The following PFKFB2 variants were observed in gnomAD, a reference collection of about 807,000 sequenced individuals.
PFKFB2 encodes 6-phosphofructo-2-kinase/fructose-2,6-biphosphatase 2.
A neutral mutation model predicts 68.0 loss-of-function variants in PFKFB2; 53 were observed. The observed-to-expected ratio is 0.78, with a 90% confidence interval of 0.63 to 0.98. PFKFB2 has a LOEUF of 0.98. Ranked by LOEUF, PFKFB2 falls within the 50% of genes least tolerant of loss-of-function variation. The pLI is 0.00. For missense variants in PFKFB2, 451 were observed against 642.0 expected, an observed-to-expected ratio of 0.70 and a Z score of 3.22; for synonymous variants, 222 against 227.6, an observed-to-expected ratio of 0.98 and a Z score of 0.22.
At chr1:207,046,976 A>G (rs1682614723) in intron 2 of PFKFB2, 1 of 152,192 alleles carries the variant, frequency 6.6e-6, no homozygotes, top group South Asian at 2.1e-4. Context: ...AAGGAAGGCA[A>G]GCTTTCTGAG....
At chr1:207,054,835 TCTCA>T in intron 2 of PFKFB2, 33 bp downstream of exon 2, 1 of 1,422,050 alleles carries the variant, frequency 7.0e-7, no homozygotes, top group Non-Finnish European at 9.9e-7. Flanking sequence ...GACTGCTCTC[TCTCA>T]GCATTTTATC....
chr1:207,067,461 C>T, intron 8 of PFKFB2, 38 bp from the exon 9 acceptor site: 2 of 1,450,524 alleles, frequency 1.4e-6, no homozygotes, highest in Non-Finnish European at 1.9e-6. Context: ...CTCAGATCTT[C>T]TTACCTAGGG....
At chr1:207,064,776 G>A (rs562985309) in intron 7 of PFKFB2, among the ~76,000 whole-genome samples, 2 of 152,092 alleles carry the variant, frequency 1.3e-5, no homozygotes, top group Middle Eastern at 3.4e-3. Context: ...GGGCCCAGGA[G>A]CAGCTTTGGC....
At chr1:207,054,648 TTA>T in intron 1 of PFKFB2, 51 bp from the exon 2 acceptor site, 1 of 1,274,146 alleles carries the variant, frequency 7.8e-7, no homozygotes, top group Non-Finnish European at 1.1e-6. Context: ...TTTTTTTAAG[TTA>T]TGTCTTCTTT....
upstream of PFKFB2, chr1:207,050,758 G>C (rs1166017458): frequency 3.7e-6 from 6 of 1,613,406 alleles, no homozygotes; most frequent in South Asian, 6.6e-5. Flanking sequence ...GAGGGTATCC[G>C]ACGAGGATTC....
upstream of PFKFB2, chr1:207,049,746 C>A (rs761162694): frequency 1.9e-6 from 3 of 1,582,594 alleles, no homozygotes; most frequent in South Asian, 1.2e-5. Context: ...AAACAAATCC[C>A]GATCTGCAAA....
chr1:207,078,845 G>C, downstream of PFKFB2: 3 of 838,442 alleles, frequency 3.6e-6, no homozygotes, highest in Non-Finnish European at 6.1e-6. Flanking sequence ...ATGTGGGGAT[G>C]GGGAGGTTGA....
chr1:207,054,950 C>G, intron 2 of PFKFB2, 148 bp downstream of exon 2: 1 of 609,432 alleles, frequency 1.6e-6, no homozygotes, highest in Non-Finnish European at 2.9e-6. Context: ...GTAGAATGTC[C>G]TGTCTAAAAC....
At position 207,072,843 on chromosome 1, in the gene PFKFB2, T is replaced by C. The variant is rs1015112802; in HGVS notation, c.*472T>C. On this transcript the variant is annotated 3_prime_UTR_variant, in exon 15 of 15. Coordinates refer to ENST00000367080, the MANE Select transcript of PFKFB2 (RefSeq NM_006212.2). ...TGTGTGTTTTCCTCACACTCCTTAC[T>C]TGACTGCTTTCTTCCCCCACTTTCA... The C allele has an allele frequency of 2.0e-6, 2 of 990,348 alleles. No individual in the cohort carries two copies. The highest frequency in any genetic ancestry group is 1.2e-6 in the Non-Finnish European group (1 of 833,256). 61.3% of individuals were successfully genotyped at this position (990,348 alleles called of 1,614,324 possible). A position where few individuals can be genotyped will look rare whatever the true frequency, so the allele number is the denominator to read the frequency against.
At position 207,063,893 on chromosome 1, in the gene PFKFB2, G is replaced by GTGTGTGTGTGTGTGTGTGTGTGTA; in HGVS notation, c.507+87_507+88insATGTGTGTGTGTGTGTGTGTGTGT. The GTGTGTGTGTGTGTGTGTGTGTGTA allele has an allele frequency of 1.0e-6, 1 of 960,114 alleles. No homozygotes were observed. The highest frequency in any genetic ancestry group is 1.7e-6 in the Non-Finnish European group (1 of 600,030). The allele number at this position is 960,114 out of a possible 1,614,324, so 59.5% of individuals were successfully genotyped here. On this transcript the variant is annotated intron_variant, in intron 7 of 14. Coordinates refer to ENST00000367080, the MANE Select transcript of PFKFB2 (RefSeq NM_006212.2). This position sits in a 1 kb window ranked among gnomAD's most constrained non-coding sequence, Gnocchi z 4.1. ...TTGTGCTGTGTGTGTTGTGGGGTGT[G>GTGTGTGTGTGTGTGTGTGTGTGTA]TGTGTGTGTGTGTGTGTGTGTGTTG...
chr1:207,051,095 T>G, upstream of PFKFB2: 1 of 1,436,826 alleles, frequency 7.0e-7, no homozygotes, highest in Non-Finnish European at 9.1e-7. Context: ...CTTAGTACCT[T>G]AGCAAGCGCG....
At chr1:207,046,252 C>T (rs1682599151) in intron 2 of PFKFB2, 1 of 152,072 alleles carries the variant, frequency 6.6e-6, no homozygotes, top group Admixed American at 6.5e-5. Context: ...TTTCATTCTG[C>T]TCTAGTACAA....
intron 1 of PFKFB2, among the ~76,000 whole-genome samples, chr1:207,040,321 T>C (rs1682452585): frequency 6.6e-6 from 1 of 152,216 alleles, no homozygotes; most frequent in Non-Finnish European, 1.5e-5. Flanking sequence ...GGCCAAGTCA[T>C]TATGACATCT....
chr1:207,045,558 C>A (rs981646617), intron 2 of PFKFB2: 5 of 149,704 alleles, frequency 3.3e-5, no homozygotes, highest in Admixed American at 3.3e-4. Context: ...CATGAAAGAA[C>A]ATAATTCTTA....
In PFKFB2 at chr1:207,071,560, G is replaced by A. The variant is rs1683465897; in HGVS notation, c.1337G>A (p.Arg446His). The A allele has an allele frequency of 3.7e-6, 6 of 1,613,228 alleles. No individual in the cohort carries two copies. The highest frequency in any genetic ancestry group is 2.5e-6 in the Non-Finnish European group (3 of 1,179,228). Residue 446 changes from arginine (R) to histidine (H), a missense_variant, in exon 14 of 15, where the codon CGT (arginine) becomes CAT (histidine). Physicochemically the swap from Arg to His is conservative, Grantham distance 29. Transcript: ENST00000367080. ...KLNVEAVNTH[R>H]DKPTNNFPKN... ...AACGTGGAGGCTGTGAACACGCACC[G>A]TGACAAGCCAACTGTAAGTATTTTC...
In PFKFB2 at chr1:207,070,509, C is replaced by G. The variant is rs568765896; in HGVS notation, c.1222+100C>G. The G allele has an allele frequency of 1.6e-6, 2 of 1,268,748 alleles. No individual in the cohort carries two copies. The highest frequency in any genetic ancestry group is 4.4e-5 in the Admixed American group (2 of 45,760). The allele number at this position is 1,268,748 out of a possible 1,614,324, so 78.6% of individuals were successfully genotyped here. A position where few individuals can be genotyped will look rare whatever the true frequency, so the allele number is the denominator to read the frequency against. On this transcript the variant is annotated intron_variant, in intron 12 of 14. Transcript: ENST00000367080. This position sits in a 1 kb window ranked among gnomAD's most constrained non-coding sequence, Gnocchi z 4.2. ...GGAAACAGACCTCCCTGTCTCCACT[C>G]AAATTAGAGTACTTTCTCCAGACAG...
intron 2 of PFKFB2, among the ~76,000 whole-genome samples, chr1:207,055,965 C>T (rs1682909105): frequency 6.6e-6 from 1 of 152,164 alleles, no homozygotes; most frequent in South Asian, 2.1e-4. Flanking sequence ...TGAGAGATAA[C>T]TAGTATAGCA....
rs759216102 is a variant in PFKFB2, at chr1:207,071,231, A to G, written c.1266A>G (p.Lys422=). 1.2e-6 allele frequency: 2 copies of G among 1,613,750 alleles called. No homozygotes were observed. Among genetic ancestry groups the G allele is most frequent in the South Asian group, 2.2e-5 (2 of 91,082 alleles). ...YLRCPLHTIF[K]LTPVAYGCKV... ...GATGCCCTCTCCATACCATCTTCAA[A>G]CTTACTCCTGTGGCCTATGGTAACT... The change falls in exon 13 of 15, where the codon AAA becomes AAG. Residue 422 remains lysine, a synonymous_variant. Transcript: ENST00000367080.
At chr1:207,071,325 G>T in intron 13 of PFKFB2, 75 bp downstream of exon 13, 1 of 1,334,604 alleles carries the variant, frequency 7.5e-7, no homozygotes, top group Non-Finnish European at 1.1e-6. Flanking sequence ...TTTGTCTAGA[G>T]TTCAGCTTCA....
Sources: allele counts gnomAD v4.1 joint callset (sites outside exome capture counted in the v4.1 genomes callset), GRCh38; gene constraint gnomAD v4.1.1; non-coding constraint Gnocchi (gnomAD v3.1); transcripts MANE v1.5; gene names NCBI Gene and HGNC (gene_info 2026-07-23, HGNC 2026-07-21).